CPNE3: variants seen among roughly 807,000 people sequenced by gnomAD.
CPNE3 encodes copine-3.
In CPNE3, 68 loss-of-function variants were observed where a neutral mutation model predicts 63.9. The observed-to-expected ratio is 1.06, with a 90% CI of 0.87 to 1.30. The LOEUF is 1.30. Among genes scored for constraint, CPNE3 ranks in the 50% most tolerant of loss-of-function variants. CPNE3 has a pLI of 0.00. For synonymous variants in CPNE3, 219 were observed against 197.5 expected, an observed-to-expected ratio of 1.11 and a Z score of -0.91; for missense variants, 665 against 578.1, an observed-to-expected ratio of 1.15 and a Z score of -1.54.
intron 10 of CPNE3, 71 bp downstream of exon 10, chr8:86,546,752 C>T: frequency 6.6e-7 from 1 of 1,504,946 alleles, no homozygotes; most frequent in Admixed American, 2.1e-5. Context: ...CGCTCTGTTG[C>T]CCAGGCTGGA....
At chr8:86,550,643 C>T (rs1821153022) in intron 12 of CPNE3, among the ~76,000 whole-genome samples, 2 of 152,108 alleles carry the variant, frequency 1.3e-5, no homozygotes, top group African/African-American at 2.4e-5. Flanking sequence ...CTACCAATAA[C>T]CTCTGATCAT....
chr8:86,549,512 G>T (rs1424426089), intron 12 of CPNE3, among the ~76,000 whole-genome samples: 1 of 152,130 alleles, frequency 6.6e-6, no homozygotes, highest in Non-Finnish European at 1.5e-5. Flanking sequence ...AGGGGAGGGG[G>T]TTGTAAAAGC....
At chr8:86,537,747 C>T in intron 7 of CPNE3, 101 bp downstream of exon 7, 1 of 728,756 alleles carries the variant, frequency 1.4e-6, no homozygotes, top group East Asian at 2.7e-5. Flanking sequence ...AATCTGAGTT[C>T]ATACTTACAT....
At chr8:86,556,858 T>C (rs1019685422) in intron 16 of CPNE3, among the ~76,000 whole-genome samples, 1 of 152,182 alleles carries the variant, frequency 6.6e-6, no homozygotes, top group Non-Finnish European at 1.5e-5. Flanking sequence ...CTTACTAATA[T>C]AGTCTTCATT....
intron 2 of CPNE3, among the ~76,000 whole-genome samples, chr8:86,522,903 T>C (rs1257532769): frequency 6.6e-6 from 1 of 152,214 alleles, no homozygotes; most frequent in African/African-American, 2.4e-5. Context: ...GTCACTGACA[T>C]GAGCCTGCGC....
At chr8:86,550,458 GA>G (rs1821149243) in intron 12 of CPNE3, among the ~76,000 whole-genome samples, 1 of 152,116 alleles carries the variant, frequency 6.6e-6, no homozygotes, top group Admixed American at 6.5e-5. Context: ...ATTCCTCGTA[GA>G]AAAATTATGT....
In CPNE3 at chr8:86,548,351, C is replaced by T. The variant is rs1340540229; in HGVS notation, c.930C>T (p.Ser310=). ...GSNGDPRSPD[S]LHYISPNGVN... is the part of the protein sequence containing the mutation. The stretch of plus-strand genomic sequence containing the variant: ...ATGGTGACCCAAGGTCTCCAGACTC[C>T]CTTCATTACATCAGCCCCAATGGCG... The change falls in exon 12 of 17, where the codon TCC becomes TCT. Residue 310 remains serine, a synonymous_variant. Transcript: ENST00000517490. 2 of 1,614,080 alleles carry T rather than the reference C, an allele frequency of 1.2e-6. No individual in the cohort carries two copies. The highest frequency in any genetic ancestry group is 1.1e-5 in the South Asian group (1 of 91,072).
intron 12 of CPNE3, among the ~76,000 whole-genome samples, chr8:86,549,453 G>A (rs907387522): frequency 6.6e-6 from 1 of 152,152 alleles, no homozygotes; most frequent in African/African-American, 2.4e-5. Flanking sequence ...CATGACCAGT[G>A]GAACCAAGCA....
intron 2 of CPNE3, among the ~76,000 whole-genome samples, chr8:86,524,488 T>G (rs908218499): frequency 1.3e-5 from 2 of 152,110 alleles, no homozygotes; most frequent in African/African-American, 4.8e-5. Context: ...CAACAAGTAA[T>G]AATCTGTACA....
At chr8:86,518,418 G>C (rs1423656378) in intron 2 of CPNE3, among the ~76,000 whole-genome samples, 1 of 152,168 alleles carries the variant, frequency 6.6e-6, no homozygotes, top group East Asian at 1.9e-4. Flanking sequence ...TGCACAGCTG[G>C]CCAGCAGCTT....
At chr8:86,519,471 A>C (rs948374985) in intron 2 of CPNE3, among the ~76,000 whole-genome samples, 1 of 152,222 alleles carries the variant, frequency 6.6e-6, no homozygotes, top group East Asian at 1.9e-4. Flanking sequence ...AGAATCTGGA[A>C]ACTTTTTGAA....
At chr8:86,553,706 T>C (rs1023902972) in intron 14 of CPNE3, among the ~76,000 whole-genome samples, 2 of 152,194 alleles carry the variant, frequency 1.3e-5, no homozygotes, top group African/African-American at 4.8e-5. Flanking sequence ...CTGTGTTCTC[T>C]TAGACATTTT....
intron 8 of CPNE3, among the ~76,000 whole-genome samples, chr8:86,541,363 TG>T (rs1820933196): frequency 6.6e-6 from 1 of 152,144 alleles, no homozygotes; most frequent in South Asian, 2.1e-4. Flanking sequence ...TTAGCAGAAG[TG>T]AAAGTTTTGT....
At chr8:86,516,282 C>T (rs2131412834) in intron 2 of CPNE3, among the ~76,000 whole-genome samples, 1 of 152,232 alleles carries the variant, frequency 6.6e-6, no homozygotes, top group East Asian at 1.9e-4. Flanking sequence ...AGAGGAGGCT[C>T]CAGGACGGGA....
rs1446817602 is a variant in CPNE3, at chr8:86,551,081, A to G, written c.1049A>G (p.Gln350Arg). The change falls in exon 13 of 17, where the codon CAG becomes CGG. Residue 350 changes from glutamine (Q) to arginine (R), a missense_variant. Gln to Arg is a conservative substitution (Grantham distance 43). Coordinates refer to ENST00000517490, the MANE Select transcript of CPNE3 (RefSeq NM_003909.5). The stretch of plus-strand genomic sequence containing the variant: ...TTTCCAGCTTTTGGTTTTGGCGCTC[A>G]GATACCTCCTCAGTGGCAGGTAAGA... The part of the protein sequence containing the change: ...KMFPAFGFGA[Q>R]IPPQWQVSHE... 6.2e-7 allele frequency: 1 copy of G among 1,611,336 alleles called. No homozygotes were observed. Among genetic ancestry groups the G allele is most frequent in the African/African-American group, 1.3e-5 (1 of 74,880 alleles).
intron 2 of CPNE3, among the ~76,000 whole-genome samples, chr8:86,526,272 T>C (rs951941371): frequency 3.3e-5 from 5 of 152,084 alleles, no homozygotes; most frequent in Admixed American, 2.6e-4. Flanking sequence ...AATTTGATCT[T>C]GTTCCTGTAA....
chr8:86,538,013 G>T (rs1045207827), intron 7 of CPNE3, among the ~76,000 whole-genome samples: 6 of 148,496 alleles, frequency 4.0e-5, no homozygotes, highest in Middle Eastern at 3.5e-3. Flanking sequence ...ACACACTTAT[G>T]CACACATGTA....
chr8:86,540,351 T>C lies in CPNE3; in HGVS notation c.633+17T>C, dbSNP rs535146058. 3.9e-5 allele frequency: 50 copies of C among 1,289,738 alleles called. No homozygotes were observed. In the East Asian group the frequency reaches 1.2e-3, roughly 32 times the overall value. The allele number at this position is 1,289,738 out of a possible 1,614,324, so 79.9% of individuals were successfully genotyped here. On this transcript the variant is annotated intron_variant, in intron 8 of 16. Coordinates refer to ENST00000517490, the MANE Select transcript of CPNE3 (RefSeq NM_003909.5). ...ACCATTAAGGTAAGTTGAAATTATA[T>C]ATATATAAAATACTTAAATATACCC...
At chr8:86,530,690 ATTTTTTTTT>A (rs34745647) in intron 4 of CPNE3, among the ~76,000 whole-genome samples, 1 of 135,752 alleles carries the variant, frequency 7.4e-6, no homozygotes, top group African/African-American at 2.8e-5. Flanking sequence ...AAATATTTAG[ATTTTTTTTT>A]TTTTTTTTTG....
Sources: allele counts gnomAD v4.1 joint callset (sites outside exome capture counted in the v4.1 genomes callset), GRCh38; gene constraint gnomAD v4.1.1; transcripts MANE v1.5; gene names NCBI Gene and HGNC (gene_info 2026-07-23, HGNC 2026-07-21).